HS1BP3: variants seen among roughly 807,000 people sequenced by gnomAD.
HS1BP3 encodes the protein HCLS1 binding protein 3, also known as HCLS1-binding protein 3.
HS1BP3 carries 32 observed loss-of-function variants against 33.5 expected under a neutral mutation model. That is an observed-to-expected ratio of 0.95 (90% CI 0.72 to 1.28). The LOEUF (loss-of-function observed/expected upper bound fraction) is 1.28, where lower values mean the gene tolerates loss of function less well. Among genes scored for constraint, HS1BP3 ranks in the 50% most tolerant of loss-of-function variants. The pLI is 0.00. For missense variants in HS1BP3, 486 were observed against 502.3 expected (o/e 0.97, Z 0.31); for synonymous variants, 187 against 209.2 (o/e 0.89, Z 0.92).
At chr2:20,586,757 A>C (rs577003952) in intron 5 of HS1BP3, 6 of 152,402 alleles carry the variant, frequency 3.9e-5, no homozygotes, top group Non-Finnish European at 8.8e-5. Flanking sequence ...AAATAAATCC[A>C]TCAAAACCTT....
chr2:20,584,616 G>A (rs1418739725), intron 5 of HS1BP3, among the ~76,000 whole-genome samples: 2 of 152,194 alleles, frequency 1.3e-5, no homozygotes, highest in African/African-American at 4.8e-5. Context: ...GAAAGATGCA[G>A]AAGCTGATCC....
intron 3 of HS1BP3, among the ~76,000 whole-genome samples, chr2:20,596,488 A>G (rs1008534075): frequency 3.9e-5 from 6 of 152,202 alleles, no homozygotes; most frequent in African/African-American, 1.4e-4. Context: ...ATGTGAGGAC[A>G]TGGTGAGAAG....
intron 5 of HS1BP3, among the ~76,000 whole-genome samples, chr2:20,579,759 T>C (rs1693488681): frequency 6.6e-6 from 1 of 152,174 alleles, no homozygotes; most frequent in Non-Finnish European, 1.5e-5. Context: ...GCAGAAAACC[T>C]GGGTTCTGAG....
chr2:20,635,332 A>C (rs1385503486), intron 4 of HS1BP3: 1 of 152,250 alleles, frequency 6.6e-6, no homozygotes, highest in East Asian at 1.9e-4. Flanking sequence ...AAACCAGCAG[A>C]GGAAGGAGGG....
chr2:20,601,743 A>G lies in HS1BP3; in HGVS notation c.179-3478T>C, dbSNP rs533038495. Among the ~76,000 whole-genome samples the G allele has an allele frequency of 2.7e-5, 4 of 147,374 alleles. No homozygotes were observed. In the South Asian group the frequency reaches 8.8e-4, roughly 32 times the overall value. ...AGTCCATTAAACCTCTTTCCTTTAT[A>G]AATCACCCAGTTTTCAAGTGTGTCT... On this transcript the variant is annotated intron_variant, in intron 2 of 3. Coordinates refer to the HS1BP3 transcript ENST00000415264.
chr2:20,599,888 A>G (rs1020553078), intron 2 of HS1BP3, among the ~76,000 whole-genome samples: 1 of 152,122 alleles, frequency 6.6e-6, no homozygotes, highest in Non-Finnish European at 1.5e-5. Context: ...CCTGCCATCA[A>G]GTGACAAGAA....
chr2:20,557,670 A>G (rs1265433367), downstream of HS1BP3, among the ~76,000 whole-genome samples: 1 of 152,202 alleles, frequency 6.6e-6, no homozygotes, highest in Non-Finnish European at 1.5e-5. Context: ...AAAGACACAG[A>G]GAAAGGCAAG....
At chr2:20,563,302 C>T (rs963345560) in intron 5 of HS1BP3, among the ~76,000 whole-genome samples, 3 of 152,212 alleles carry the variant, frequency 2.0e-5, no homozygotes, top group Admixed American at 2.0e-4. Flanking sequence ...GAAACTGAGG[C>T]CCAGAGAGGG....
intron 5 of HS1BP3, among the ~76,000 whole-genome samples, chr2:20,567,913 C>G (rs895472722): frequency 6.6e-6 from 1 of 152,134 alleles, no homozygotes; most frequent in Non-Finnish European, 1.5e-5. Context: ...CCCCCAGCAC[C>G]GAGGGGGAAC....
At chr2:20,645,128 T>C (rs1213117575) in intron 2 of HS1BP3, among the ~76,000 whole-genome samples, 1 of 152,178 alleles carries the variant, frequency 6.6e-6, no homozygotes, top group Non-Finnish European at 1.5e-5. Flanking sequence ...TCTGTATCTG[T>C]CTCTTTAGAG....
chr2:20,637,569 G>C (rs574323930), intron 4 of HS1BP3: 3 of 152,360 alleles, frequency 2.0e-5, no homozygotes, highest in Admixed American at 6.5e-5. Flanking sequence ...ACCCCTGGAC[G>C]CTGGTCTCAT....
At chr2:20,567,588 C>A (rs1413131247) in intron 5 of HS1BP3, among the ~76,000 whole-genome samples, 1 of 152,198 alleles carries the variant, frequency 6.6e-6, no homozygotes, top group Non-Finnish European at 1.5e-5. Flanking sequence ...TAAAGACCTA[C>A]TTCCCCCCCA....
chr2:20,611,952 T>A lies in HS1BP3; in HGVS notation c.178+11944A>T, dbSNP rs1694327528. On this transcript the variant is annotated intron_variant, in intron 2 of 3. Transcript: ENST00000415264. This position sits in a 1 kb window ranked among gnomAD's most constrained non-coding sequence, Gnocchi z 4.9. The stretch of plus-strand genomic sequence containing the variant: ...AAGATGTCTGGTGTTCACTCTCAGA[T>A]GAAGAGAGGGAGTACTCAAACTCTA... 6.6e-6 allele frequency among the ~76,000 whole-genome samples: 1 copy of A among 152,156 alleles called. No homozygotes were observed. Among genetic ancestry groups the A allele is most frequent in the African/African-American group, 2.4e-5 (1 of 41,444 alleles).
chr2:20,560,784 G>T (rs563287653), intron 5 of HS1BP3, among the ~76,000 whole-genome samples: 1 of 152,140 alleles, frequency 6.6e-6, no homozygotes, highest in Non-Finnish European at 1.5e-5. Flanking sequence ...GCCTCCGACT[G>T]CAGGCAGGTC....
chr2:20,564,575 C>T (rs1014845395), intron 5 of HS1BP3, among the ~76,000 whole-genome samples: 1 of 152,158 alleles, frequency 6.6e-6, no homozygotes, highest in Admixed American at 6.5e-5. Context: ...TCTCCACCTC[C>T]CTGATTCAAG....
In HS1BP3 at chr2:20,619,016, G is replaced by T; in HGVS notation, c.1150C>A (p.Pro384Thr). 6.2e-7 allele frequency: 1 copy of T among 1,614,130 alleles called. No individual in the cohort carries two copies. The highest frequency in any genetic ancestry group is 1.7e-5 in the Admixed American group (1 of 60,016). Residue 384 changes from proline to threonine, a missense_variant, in exon 7 of 7, where the codon CCA becomes ACA. Transcript: ENST00000304031. ...AAGAGGCTGGGGGCGGCCTGGGCTG[G>T]TGTATCGTGGTCCTGGATGTACTGC... is the stretch of plus-strand genomic sequence containing the variant. ...ILQYIQDHDT[P>T]AQAAPSLF
chr2:20,645,556 T>C, intron 1 of HS1BP3, 51 bp from the exon 2 acceptor site: 1 of 1,551,400 alleles, frequency 6.4e-7, no homozygotes, highest in Non-Finnish European at 8.7e-7. Flanking sequence ...GCAGTAGGCT[T>C]CCCGAGCAAA....
At position 20,583,578 on chromosome 2, in the gene HS1BP3, G is replaced by A. The variant is rs1453831473; in HGVS notation, c.303-23063C>T. 2.7e-4 allele frequency among the ~76,000 whole-genome samples: 41 copies of A among 152,238 alleles called. 2 individuals are homozygous for A. The highest frequency in any genetic ancestry group is 2.7e-3 in the Admixed American group (41 of 15,290). ...CCGCTCCTTCCAGCTTCAAAGTCCAGAGAGAAGGGGCCAGCGGGTCAAGCC... is the reference window on the plus strand; with the variant it reads ...CCGCTCCTTCCAGCTTCAAAGTCCAAAGAGAAGGGGCCAGCGGGTCAAGCC... On this transcript the variant is annotated intron_variant, in intron 5 of 5. Transcript: ENST00000446825.
Position 20,618,890 on chromosome 2 carries a change from G to C in HS1BP3, c.*97C>G. The C allele has an allele frequency of 6.8e-7, 1 of 1,473,768 alleles. No homozygotes were observed. Among genetic ancestry groups the C allele is most frequent in the Non-Finnish European group, 9.0e-7 (1 of 1,114,940 alleles). 91.3% of individuals were successfully genotyped at this position (1,473,768 alleles called of 1,614,324 possible). On this transcript the variant is annotated 3_prime_UTR_variant, in exon 7 of 7. Transcript: ENST00000304031. ...CAGGCTTCTGCCTGGCCTCCCCTGG[G>C]GGTGGGGAGGTTCTGACCCTGCAGG...
Sources: gnomAD v4.1 joint callset for allele counts (sites outside exome capture counted in the v4.1 genomes callset) on GRCh38, gnomAD v4.1.1 for gene constraint, Gnocchi (gnomAD v3.1) non-coding constraint, MANE v1.5 for transcripts, NCBI Gene and HGNC (gene_info 2026-07-23, HGNC 2026-07-21) for gene names.